The following NUBPL variants were observed in gnomAD, a reference collection of about 807,000 sequenced individuals.
The protein encoded by NUBPL is iron-sulfur cluster transfer protein NUBPL.
NUBPL carries 31 observed loss-of-function variants against 45.7 expected under a neutral mutation model. The observed-to-expected ratio is 0.68, with a 90% confidence interval of 0.51 to 0.92. The LOEUF (loss-of-function observed/expected upper bound fraction) is 0.92. Among genes scored for constraint, NUBPL ranks in the 40% least tolerant of loss-of-function variants. The pLI is 0.00. For missense variants in NUBPL, 401 were observed against 398.7 expected, an observed-to-expected ratio of 1.01 and a Z score of -0.05; for synonymous variants, 144 against 140.9, an observed-to-expected ratio of 1.02 and a Z score of -0.15.
At chr14:31,661,666 G>A (rs979132449) in intron 4 of NUBPL, among the ~76,000 whole-genome samples, 27 of 152,166 alleles carry the variant, frequency 1.8e-4, no homozygotes, top group African/African-American at 4.8e-4. Context: ...CTCACCTCCC[G>A]AGTAGCTGGG....
At chr14:31,831,627 G>A (rs1322205295) in intron 8 of NUBPL, among the ~76,000 whole-genome samples, 5 of 152,116 alleles carry the variant, frequency 3.3e-5, no homozygotes, top group Admixed American at 3.3e-4. Context: ...GATTTTCATA[G>A]GCATATCTAG....
intron 7 of NUBPL, among the ~76,000 whole-genome samples, chr14:31,812,646 T>C (rs2039831601): frequency 6.6e-6 from 1 of 152,142 alleles, no homozygotes; most frequent in African/African-American, 2.4e-5. Flanking sequence ...CTGCACCCAC[T>C]TTCACACCAG....
chr14:31,693,852 C>CTTTTT (rs138873656), intron 6 of NUBPL, among the ~76,000 whole-genome samples: 20 of 66,564 alleles, frequency 3.0e-4, no homozygotes, highest in African/African-American at 7.2e-4. Context: ...ATTTTCTTTT[C>CTTTTT]TTTTCTTTTT....
At chr14:31,752,932 A>G (rs532977462) in intron 6 of NUBPL, among the ~76,000 whole-genome samples, 1 of 152,314 alleles carries the variant, frequency 6.6e-6, no homozygotes, top group South Asian at 2.1e-4. Context: ...AAACAGAGAG[A>G]GAGAAGGGGG....
chr14:31,819,862 C>T (rs1231975196), intron 7 of NUBPL, among the ~76,000 whole-genome samples: 1 of 151,910 alleles, frequency 6.6e-6, no homozygotes, highest in Non-Finnish European at 1.5e-5. Flanking sequence ...AATTCTTGGC[C>T]AGGCGTGGTG....
chr14:31,745,297 T>G (rs1437299351), intron 6 of NUBPL, among the ~76,000 whole-genome samples: 1 of 151,928 alleles, frequency 6.6e-6, no homozygotes, highest in Admixed American at 6.6e-5. Context: ...TGAGAACATG[T>G]GATGTTTGGT....
In NUBPL at chr14:31,728,551, T is replaced by A. The variant is rs535189335; in HGVS notation, c.513+54977T>A. Among the ~76,000 whole-genome samples the A allele has an allele frequency of 3.3e-5, 5 of 152,318 alleles. No individual in the cohort carries two copies. The East Asian group carries it at 9.6e-4, about 29-fold the overall frequency. Reference sequence around the variant, plus strand: ...TGTATAAAGCCTGTAGGTAGCTAGATCCAGACTTAGTGTGAGTAGAGAAAC... The same window carrying A: ...TGTATAAAGCCTGTAGGTAGCTAGAACCAGACTTAGTGTGAGTAGAGAAAC... On this transcript the variant is annotated intron_variant, in intron 6 of 10. Coordinates refer to ENST00000281081, the MANE Select transcript of NUBPL (RefSeq NM_025152.3).
intron 8 of NUBPL, chr14:31,843,942 G>A (rs1168282791): frequency 1.3e-5 from 2 of 152,160 alleles, no homozygotes; most frequent in Admixed American, 6.5e-5. Flanking sequence ...AAAGGGTAAG[G>A]ATCAAGTCTG....
intron 6 of NUBPL, among the ~76,000 whole-genome samples, chr14:31,781,935 C>G (rs2039197672): frequency 6.6e-6 from 1 of 152,118 alleles, no homozygotes; most frequent in Admixed American, 6.5e-5. Flanking sequence ...ATATCCATAA[C>G]TTTCTTACGT....
At chr14:31,815,792 TCA>T (rs934103230) in intron 7 of NUBPL, among the ~76,000 whole-genome samples, 6 of 140,202 alleles carry the variant, frequency 4.3e-5, no homozygotes, top group African/African-American at 2.0e-4. Context: ...ATTGAGATAA[TCA>T]TGTGGTTTTT....
chr14:31,708,382 A>G (rs1007050910), intron 6 of NUBPL, among the ~76,000 whole-genome samples: 8 of 152,152 alleles, frequency 5.3e-5, no homozygotes, highest in African/African-American at 9.7e-5. Flanking sequence ...TGTCCTTCCA[A>G]TGCCCAGACT....
intron 8 of NUBPL, among the ~76,000 whole-genome samples, chr14:31,827,322 A>T (rs1351662199): frequency 6.6e-6 from 1 of 150,930 alleles, no homozygotes; most frequent in African/African-American, 2.4e-5. Flanking sequence ...AAATAGTACC[A>T]TTATAAAACT....
chr14:31,684,881 G>A (rs1472451118), intron 6 of NUBPL, among the ~76,000 whole-genome samples: 9 of 152,126 alleles, frequency 5.9e-5, no homozygotes, highest in African/African-American at 7.2e-5. Flanking sequence ...TATAGTAAGG[G>A]AAAGTAATGA....
intron 4 of NUBPL, among the ~76,000 whole-genome samples, chr14:31,631,483 C>CA (rs1344685617): frequency 2.6e-5 from 2 of 77,186 alleles, no homozygotes; most frequent in East Asian, 5.3e-4. Context: ...CACACACACA[C>CA]CCCCACCCCA....
At chr14:31,568,273 T>C (rs1268133883) in intron 3 of NUBPL, among the ~76,000 whole-genome samples, 3 of 152,204 alleles carry the variant, frequency 2.0e-5, no homozygotes, top group African/African-American at 7.2e-5. Context: ...TTGAGTCTTA[T>C]AGATAATGTG....
At chr14:31,766,577 C>T (rs549828647) in intron 6 of NUBPL, among the ~76,000 whole-genome samples, 1 of 152,090 alleles carries the variant, frequency 6.6e-6, no homozygotes, top group Non-Finnish European at 1.5e-5. Context: ...ATAGTAATAC[C>T]CATTTACTAT....
chr14:31,831,257 G>C (rs1409892044), intron 8 of NUBPL, among the ~76,000 whole-genome samples: 2 of 151,606 alleles, frequency 1.3e-5, no homozygotes, highest in Admixed American at 1.3e-4. Flanking sequence ...TGGCCAGGCT[G>C]GTCTCAAACT....
intron 7 of NUBPL, among the ~76,000 whole-genome samples, chr14:31,800,424 C>T (rs2039565031): frequency 1.3e-5 from 2 of 152,184 alleles, no homozygotes; most frequent in African/African-American, 4.8e-5. Context: ...CATCAAAGAT[C>T]ACTGATCACA....
At chr14:31,820,139 C>CAAAAAAA (rs59044182) in intron 7 of NUBPL, among the ~76,000 whole-genome samples, 1 of 111,586 alleles carries the variant, frequency 9.0e-6, no homozygotes, top group African/African-American at 3.6e-5. Flanking sequence ...GACTCCATCT[C>CAAAAAAA]AAAAAAAAAA....
Sources: gnomAD v4.1 joint callset for allele counts (sites outside exome capture counted in the v4.1 genomes callset) on GRCh38, gnomAD v4.1.1 for gene constraint, MANE v1.5 for transcripts, NCBI Gene and HGNC (gene_info 2026-07-23, HGNC 2026-07-21) for gene names.